The following WARS2 variants were observed in gnomAD, a reference collection of about 807,000 sequenced individuals.
The protein encoded by WARS2 is tryptophan--tRNA ligase, mitochondrial.
WARS2 carries 28 observed loss-of-function variants against 36.5 expected under a neutral mutation model. That is an observed-to-expected ratio of 0.77 (90% CI 0.57 to 1.05). The LOEUF is 1.05. Ranked by LOEUF, WARS2 falls within the 50% of genes least tolerant of loss-of-function variation. The probability of loss-of-function intolerance (pLI) is 0.00; values close to 1 mark genes in which losing one functional copy is unlikely to be tolerated. For synonymous variants in WARS2, 174 were observed against 178.4 expected (o/e 0.98, Z 0.20); for missense variants, 435 against 456.8 (o/e 0.95, Z 0.44).
intron 1 of WARS2, chr1:119,085,603 G>A: frequency 1.3e-6 from 2 of 1,517,314 alleles, no homozygotes; most frequent in Non-Finnish European, 1.8e-6. Context: ...GAGTCCTTAG[G>A]AACGCAATAG....
At chr1:119,109,099 C>G (rs933910084) in intron 1 of WARS2, among the ~76,000 whole-genome samples, 3 of 151,932 alleles carry the variant, frequency 2.0e-5, no homozygotes, top group Admixed American at 1.3e-4. Context: ...TTTCTATTCT[C>G]TGAAACTTGT....
chr1:119,086,103 T>A, intron 1 of WARS2: 9 of 868,160 alleles, frequency 1.0e-5, no homozygotes, highest in Non-Finnish European at 1.6e-5. Flanking sequence ...TAAGTGATCC[T>A]CTTGCCTTGG....
chr1:119,072,940 A>G (rs2101292756), intron 2 of WARS2, among the ~76,000 whole-genome samples: 1 of 152,210 alleles, frequency 6.6e-6, no homozygotes, highest in East Asian at 1.9e-4. Context: ...GAATCACTTG[A>G]GCTCAGGAAT....
At chr1:119,138,944 T>TA (rs1156971180) in intron 1 of WARS2, among the ~76,000 whole-genome samples, 1 of 152,166 alleles carries the variant, frequency 6.6e-6, no homozygotes, top group African/African-American at 2.4e-5. Flanking sequence ...TATAATGACT[T>TA]AGTGTCTTAA....
chr1:119,064,856 TAAAG>T, intron 2 of WARS2: 1 of 150,518 alleles, frequency 6.6e-6, no homozygotes, highest in Non-Finnish European at 1.5e-5. Context: ...ATACCTATCT[TAAAG>T]GAAAGTCTCA....
At chr1:119,063,901 C>A (rs1650612542) in intron 2 of WARS2, 1 of 152,300 alleles carries the variant, frequency 6.6e-6, no homozygotes, top group Non-Finnish European at 1.5e-5. Flanking sequence ...GGGGTTGGAG[C>A]CCCCACACAG....
At chr1:119,103,635 A>C (rs1270151623) in intron 1 of WARS2, among the ~76,000 whole-genome samples, 1 of 151,778 alleles carries the variant, frequency 6.6e-6, no homozygotes, top group Non-Finnish European at 1.5e-5. Flanking sequence ...CTAGATTTTA[A>C]AAAATTGTCA....
Position 119,128,070 on chromosome 1 carries a change from A to T in WARS2, c.90+12485T>A, listed in dbSNP as rs186674027. Among the ~76,000 whole-genome samples, 1,041 of 151,960 alleles carry T rather than the reference A, an allele frequency of 6.9e-3. 6 individuals are homozygous for T. Among genetic ancestry groups the T allele is most frequent in the African/African-American group, 0.016 (643 of 41,470 alleles). ...ATACCAACTGTAAATTCTTTTTTTTAAAATTTTTTAACTTTTTCTTTTGAG... is the reference window on the plus strand; with the variant it reads ...ATACCAACTGTAAATTCTTTTTTTTTAAATTTTTTAACTTTTTCTTTTGAG... On this transcript the variant is annotated intron_variant, in intron 1 of 5. Transcript: ENST00000235521.
intron 4 of WARS2, among the ~76,000 whole-genome samples, chr1:119,037,591 T>C (rs1360028200): frequency 6.6e-6 from 1 of 152,218 alleles, no homozygotes. Context: ...AGACCCACGA[T>C]GTGAAAGTCC....
chr1:119,093,649 T>C (rs1485825028), intron 1 of WARS2, among the ~76,000 whole-genome samples: 1 of 152,026 alleles, frequency 6.6e-6, no homozygotes, highest in African/African-American at 2.4e-5. Context: ...GGTTCTTCCT[T>C]AGAGTCTTAA....
chr1:119,065,536 G>C lies in WARS2; in HGVS notation c.348+10814C>G, dbSNP rs570222372. On this transcript the variant is annotated intron_variant, in intron 2 of 5. Transcript: ENST00000235521. ...AGTAATCCCAGCTATCTGGGAGGCT[G>C]AGGCATGAGAATAGCTTGAATCCAG... Among the ~76,000 whole-genome samples, 7 of 150,958 alleles carry C rather than the reference G, an allele frequency of 4.6e-5. No homozygotes were observed. The South Asian group carries it at 1.3e-3, about 27-fold the overall frequency.
intron 5 of WARS2, 59 bp from the exon 6 acceptor site, chr1:119,033,418 C>A: frequency 1.3e-6 from 2 of 1,593,068 alleles, no homozygotes; most frequent in South Asian, 2.3e-5. Flanking sequence ...AACAGATCAC[C>A]AAGATGTACA....
At chr1:119,102,560 ATCT>A (rs1553246357) in intron 1 of WARS2, among the ~76,000 whole-genome samples, 1 of 152,026 alleles carries the variant, frequency 6.6e-6, no homozygotes, top group Non-Finnish European at 1.5e-5. Context: ...TCCATCTTTA[ATCT>A]TTAACTCTTT....
At chr1:119,062,029 A>G (rs1650424243) in intron 2 of WARS2, among the ~76,000 whole-genome samples, 3 of 152,220 alleles carry the variant, frequency 2.0e-5, no homozygotes, top group Admixed American at 6.5e-5. Flanking sequence ...CCCAAGGTCT[A>G]TATATGAAAT....
chr1:119,106,759 G>A (rs1355470628), intron 1 of WARS2, among the ~76,000 whole-genome samples: 1 of 152,140 alleles, frequency 6.6e-6, no homozygotes, highest in Non-Finnish European at 1.5e-5. Context: ...TATAAATAAA[G>A]CTGCCACAAA....
chr1:119,133,302 A>G (rs987104542), intron 1 of WARS2, among the ~76,000 whole-genome samples: 2 of 152,266 alleles, frequency 1.3e-5, no homozygotes, highest in Non-Finnish European at 2.9e-5. Flanking sequence ...GATGATTTAT[A>G]ATTTCTACTC....
intron 1 of WARS2, chr1:119,085,745 G>T (rs587605495): frequency 7.6e-6 from 12 of 1,579,958 alleles, no homozygotes; most frequent in Middle Eastern, 2.1e-4. Context: ...CAGTCTTCTT[G>T]TCCCACATGA....
At chr1:119,137,017 T>C (rs587602785) in intron 1 of WARS2, among the ~76,000 whole-genome samples, 12 of 152,202 alleles carry the variant, frequency 7.9e-5, no homozygotes, top group African/African-American at 2.6e-4. Context: ...GCCAAGGTCA[T>C]GAAGGAGAAA....
intron 2 of WARS2, among the ~76,000 whole-genome samples, chr1:119,069,696 T>A (rs1311982811): frequency 1.3e-5 from 2 of 152,198 alleles, no homozygotes; most frequent in Non-Finnish European, 2.9e-5. Flanking sequence ...GATTTCTAGC[T>A]AAGCTGAGTT....
Sources: gnomAD v4.1 joint callset for allele counts (sites outside exome capture counted in the v4.1 genomes callset) on GRCh38, gnomAD v4.1.1 for gene constraint, MANE v1.5 for transcripts, NCBI Gene and HGNC (gene_info 2026-07-23, HGNC 2026-07-21) for gene names.